Variants in SLC9A9 observed in about 807,000 individuals in gnomAD.
SLC9A9 encodes solute carrier family 9 member A9.
In SLC9A9, 62 loss-of-function variants were observed where a neutral mutation model predicts 77.8. The ratio of observed to expected loss-of-function variants is 0.80; its 90% CI spans 0.65 to 0.98. SLC9A9 has a LOEUF of 0.98. Ranked by LOEUF, SLC9A9 falls within the 50% of genes least tolerant of loss-of-function variation. The pLI is 0.00. For missense variants in SLC9A9, 775 were observed against 774.9 expected, an observed-to-expected ratio of 1.00 and a Z score of 0.00; for synonymous variants, 320 against 283.5, an observed-to-expected ratio of 1.13 and a Z score of -1.29.
At position 143,820,013 on chromosome 3, in the gene SLC9A9, A is replaced by G. The variant is rs555257999; in HGVS notation, c.378+12006T>C. On this transcript the variant is annotated intron_variant, in intron 2 of 15. Transcript: ENST00000316549. The stretch of plus-strand genomic sequence containing the variant: ...TAATTGCAAGTCCATTGCTTTGTTG[A>G]TAACAACAATAGCAAGTAACACTTA... 5.9e-5 allele frequency among the ~76,000 whole-genome samples: 9 copies of G among 152,344 alleles called. No individual in the cohort carries two copies. The East Asian group carries it at 9.7e-4, about 16-fold the overall frequency.
chr3:143,679,177 A>T (rs1434864417), intron 5 of SLC9A9, among the ~76,000 whole-genome samples: 4 of 152,204 alleles, frequency 2.6e-5, no homozygotes, highest in Non-Finnish European at 5.9e-5. Flanking sequence ...CATTTGGCTT[A>T]CTTGCATTTC....
intron 5 of SLC9A9, among the ~76,000 whole-genome samples, chr3:143,672,943 A>AG (rs780987456): frequency 2.9e-4 from 44 of 152,332 alleles, no homozygotes; most frequent in Non-Finnish European, 4.4e-4. Context: ...TCACCTGAGC[A>AG]GCCGTAACCA....
intron 6 of SLC9A9, among the ~76,000 whole-genome samples, chr3:143,645,285 G>C (rs1352683133): frequency 6.6e-6 from 1 of 152,066 alleles, no homozygotes; most frequent in Non-Finnish European, 1.5e-5. Flanking sequence ...ACGTTACCAA[G>C]AGAAAAAATG....
intron 5 of SLC9A9, among the ~76,000 whole-genome samples, chr3:143,664,481 A>T (rs10212590): frequency 0.029 from 4,482 of 152,342 alleles, 78 homozygotes; most frequent in Middle Eastern, 0.041. Flanking sequence ...ACATAACAAT[A>T]TTAACCTGAA....
rs778946062 is a variant in SLC9A9, at chr3:143,848,160, C to T, written c.163G>A (p.Ala55Thr). 11 of 1,613,888 alleles carry T rather than the reference C, an allele frequency of 6.8e-6. No homozygotes were observed. The highest frequency in any genetic ancestry group is 8.5e-6 in the Non-Finnish European group (10 of 1,179,806). ...RFRFLHETGG[A>T]MVYGLIMGLI... ...TTTATGCACTCACCATACACCATTG[C>T]TCCTCCAGTTTCATGCAAGAAGCGG... is the stretch of plus-strand genomic sequence containing the variant. The change falls in exon 1 of 16, where the codon GCA becomes ACA. Residue 55 changes from alanine to threonine, a missense_variant. Physicochemically the swap from Ala to Thr is moderately conservative, Grantham distance 58. Transcript: ENST00000316549.
intron 4 of SLC9A9, among the ~76,000 whole-genome samples, chr3:143,713,925 A>T (rs1435098120): frequency 1.3e-5 from 2 of 152,238 alleles, no homozygotes; most frequent in Non-Finnish European, 2.9e-5. Flanking sequence ...TATCAAAGCA[A>T]AAATTTTAAA....
At chr3:143,308,785 G>A (rs1038101667) in intron 14 of SLC9A9, among the ~76,000 whole-genome samples, 3 of 152,064 alleles carry the variant, frequency 2.0e-5, no homozygotes, top group East Asian at 1.9e-4. Flanking sequence ...CAGGGTAAAC[G>A]TTCAGTATAC....
intron 2 of SLC9A9, 59 bp from the exon 3 acceptor site, chr3:143,796,962 CA>C: frequency 6.5e-6 from 9 of 1,384,152 alleles, no homozygotes. Context: ...ATTAAAAAAA[CA>C]TGTTTCAAAA....
chr3:143,686,538 C>T (rs763871331), intron 5 of SLC9A9, among the ~76,000 whole-genome samples: 7 of 151,952 alleles, frequency 4.6e-5, no homozygotes, highest in Non-Finnish European at 8.8e-5. Flanking sequence ...GGGGAGGGAG[C>T]AACAAGCGAA....
At chr3:143,750,263 T>A (rs1382271570) in intron 4 of SLC9A9, among the ~76,000 whole-genome samples, 1 of 152,246 alleles carries the variant, frequency 6.6e-6, no homozygotes, top group Non-Finnish European at 1.5e-5. Flanking sequence ...TAACTTTCAG[T>A]GGAGGCTTTA....
At chr3:143,409,099 C>A (rs1411903092) in intron 12 of SLC9A9, among the ~76,000 whole-genome samples, 3 of 152,208 alleles carry the variant, frequency 2.0e-5, no homozygotes, top group Admixed American at 6.5e-5. Context: ...CTGCGCCTTT[C>A]TTTTCCTGGA....
chr3:143,742,027 G>A (rs550726567), intron 4 of SLC9A9, among the ~76,000 whole-genome samples: 71 of 152,122 alleles, frequency 4.7e-4, no homozygotes, highest in African/African-American at 1.6e-3. Context: ...AGAAATTATG[G>A]TTTAGGAGTC....
intron 14 of SLC9A9, among the ~76,000 whole-genome samples, chr3:143,335,904 C>G (rs2031906937): frequency 6.6e-6 from 1 of 152,030 alleles, no homozygotes; most frequent in Admixed American, 6.6e-5. Flanking sequence ...CAAAAATAGA[C>G]AAATGGTACT....
chr3:143,346,995 G>A (rs1355654654), intron 14 of SLC9A9: 1 of 152,082 alleles, frequency 6.6e-6, no homozygotes, highest in Non-Finnish European at 1.5e-5. Flanking sequence ...GACAGAAAAA[G>A]AGAAGCAGAT....
intron 13 of SLC9A9, among the ~76,000 whole-genome samples, chr3:143,380,818 C>G (rs1391279395): frequency 3.3e-5 from 5 of 152,188 alleles, no homozygotes; most frequent in African/African-American, 9.7e-5. Flanking sequence ...TTTTTCACAT[C>G]TGTGTGTGCC....
chr3:143,619,113 G>A (rs1360685470), intron 6 of SLC9A9, among the ~76,000 whole-genome samples: 3 of 152,178 alleles, frequency 2.0e-5, no homozygotes, highest in Non-Finnish European at 2.9e-5. Context: ...TCTAAGCCCT[G>A]TATTTTATTG....
At chr3:143,655,681 TACACA>T (rs2038877296) in intron 5 of SLC9A9, 1 of 579,538 alleles carries the variant, frequency 1.7e-6, no homozygotes, top group Admixed American at 6.5e-5. Flanking sequence ...CATGCACATG[TACACA>T]CACACACACA....
At chr3:143,484,010 T>C (rs1425572346) in intron 11 of SLC9A9, among the ~76,000 whole-genome samples, 1 of 152,188 alleles carries the variant, frequency 6.6e-6, no homozygotes, top group East Asian at 1.9e-4. Flanking sequence ...TGAGGAAATA[T>C]AGAAATAAAT....
chr3:143,752,409 C>T lies in SLC9A9; in HGVS notation c.533+42592G>A, dbSNP rs79272898. 9.2e-5 allele frequency among the ~76,000 whole-genome samples: 14 copies of T among 152,256 alleles called. No homozygotes were observed. In the East Asian group the frequency reaches 2.3e-3, roughly 25 times the overall value. ...GCACCGTTGCCTGATAAAGCTGAGACGATTTAACACAAGAGATGCTCACTG... is the reference window on the plus strand; with the variant it reads ...GCACCGTTGCCTGATAAAGCTGAGATGATTTAACACAAGAGATGCTCACTG... On this transcript the variant is annotated intron_variant, in intron 4 of 15. Coordinates refer to ENST00000316549, the MANE Select transcript of SLC9A9 (RefSeq NM_173653.4).
Sources: gnomAD v4.1 joint callset for allele counts (sites outside exome capture counted in the v4.1 genomes callset) on GRCh38, gnomAD v4.1.1 for gene constraint, MANE v1.5 for transcripts, NCBI Gene and HGNC (gene_info 2026-07-23, HGNC 2026-07-21) for gene names.